The following AKT1S1 variants were observed in gnomAD, a reference collection of about 807,000 sequenced individuals.
The protein encoded by AKT1S1 is proline-rich AKT1 substrate 1.
A neutral mutation model predicts 21.2 loss-of-function variants in AKT1S1; 17 were observed. The ratio of observed to expected loss-of-function variants is 0.80; its 90% CI spans 0.55 to 1.20. The LOEUF (loss-of-function observed/expected upper bound fraction) is 1.20, where lower values mean the gene tolerates loss of function less well. Among genes scored for constraint, AKT1S1 ranks in the 50% most tolerant of loss-of-function variants. The pLI, the probability that AKT1S1 is intolerant of heterozygous loss-of-function variation, is 0.00. For missense variants in AKT1S1, 366 were observed against 368.3 expected (o/e 0.99, Z 0.05); for synonymous variants, 181 against 165.6 (o/e 1.09, Z -0.72).
At chr19:49,870,979 A>C (rs1274162093) in intron 4 of AKT1S1, among the ~76,000 whole-genome samples, 2 of 152,174 alleles carry the variant, frequency 1.3e-5, no homozygotes, top group African/African-American at 2.4e-5. Flanking sequence ...CTCAAAGCCC[A>C]CAGCTCCTTC....
At chr19:49,878,276 C>G, upstream of AKT1S1, 15 of 1,540,694 alleles carry the variant, frequency 9.7e-6, no homozygotes, top group Non-Finnish European at 1.3e-5. Flanking sequence ...GGACCCGCTC[C>G]GAGCGGGATG....
In AKT1S1 at chr19:49,873,227, CCGGGCCCGGAAGCGCTCAG is replaced by C. The variant is rs2074905966; in HGVS notation, c.50_68del (p.Ala17GlyfsTer9). Reference sequence around the variant, plus strand: ...TCAGCAGCACCAGCTCCGTGCCAGTCCGGGCCCGGAAGCGCTCAGCGGCCCCCACCACGGCCTCCCACAG... The same window carrying C: ...TCAGCAGCACCAGCTCCGTGCCAGTCCGGCCCCCACCACGGCCTCCCACAG... On this transcript the variant is annotated frameshift_variant, in exon 2 of 5. Coordinates refer to ENST00000344175, the MANE Select transcript of AKT1S1 (RefSeq NM_001098633.4). LOFTEE classifies it high-confidence loss of function. This position sits in a 1 kb window ranked among gnomAD's most constrained non-coding sequence, Gnocchi z 6.9. 6.5e-7 allele frequency: 1 copy of C among 1,536,750 alleles called. No individual in the cohort carries two copies.
chr19:49,875,769 G>T, intron 1 of AKT1S1: 1 of 859,632 alleles, frequency 1.2e-6, no homozygotes, highest in African/African-American at 1.8e-5. Context: ...GGAGACATGA[G>T]CAAAAAGGAC....
In AKT1S1 at chr19:49,870,080, G is replaced by C; in HGVS notation, c.628-20C>G. 1 of 1,502,622 alleles carries C rather than the reference G, an allele frequency of 6.7e-7. No individual in the cohort carries two copies. Among genetic ancestry groups the C allele is most frequent in the Non-Finnish European group, 8.9e-7 (1 of 1,122,388 alleles). 93.1% of individuals were successfully genotyped at this position (1,502,622 alleles called of 1,614,324 possible). On this transcript the variant is annotated intron_variant, in intron 4 of 4. Transcript: ENST00000344175. ...AGAGGGCTGCGGGGACGGCGACGGG[G>C]CGAGGTCAGCGCCGGCAGGGCAATC... is the stretch of plus-strand genomic sequence containing the variant.
rs1287580157 is a variant in AKT1S1 at position 49,869,990 on chromosome 19, G to T, written c.698C>A (p.Thr233Asn). The T allele has an allele frequency of 1.3e-6, 2 of 1,548,752 alleles. No individual in the cohort carries two copies. Among genetic ancestry groups the T allele is most frequent in the Non-Finnish European group, 1.7e-6 (2 of 1,144,700 alleles). The change falls in exon 5 of 5, where the codon ACC becomes AAC. Residue 233 changes from threonine (T) to asparagine (N), a missense_variant. Thr to Asn is a moderately conservative substitution (Grantham distance 65). Transcript: ENST00000344175. The part of the protein sequence containing the change: ...RALVLREAED[T>N]QVFGDLPRPR... ...CCGTGGCAGGTCCCCGAAGACCTGG[G>T]TGTCCTCGGCCTCTCGCAGCACCAG...
intron 1 of AKT1S1, among the ~76,000 whole-genome samples, chr19:49,875,529 CTG>C (rs1359410583): frequency 5.9e-5 from 9 of 152,230 alleles, no homozygotes; most frequent in African/African-American, 2.2e-4. Flanking sequence ...AGGGAGGAAA[CTG>C]AGGCTCTAAG....
At chr19:49,877,796 C>T, upstream of AKT1S1, 1 of 1,554,078 alleles carries the variant, frequency 6.4e-7, no homozygotes, top group Middle Eastern at 1.7e-4. Flanking sequence ...AACGCCCCGT[C>T]TAGTGATCAG....
chr19:49,875,935 G>A (rs1363222814), intron 1 of AKT1S1: 4 of 985,300 alleles, frequency 4.1e-6, no homozygotes, highest in Middle Eastern at 5.2e-4. Context: ...GGAAGAACCC[G>A]CCCCGATAGA....
At chr19:49,874,846 G>A (rs1326418442) in intron 1 of AKT1S1, 1 of 152,316 alleles carries the variant, frequency 6.6e-6, no homozygotes, top group African/African-American at 2.4e-5. Flanking sequence ...CCAGGGTGAA[G>A]GGAGCAGGGA....
intron 1 of AKT1S1, chr19:49,876,932 A>T: frequency 5.1e-6 from 2 of 394,448 alleles, no homozygotes; most frequent in Non-Finnish European, 9.1e-6. Context: ...AACTTCTTCG[A>T]CAAAAGTAGA....
chr19:49,869,775 G>C lies in AKT1S1; in HGVS notation c.*142C>G. 2.0e-6 allele frequency: 2 copies of C among 993,536 alleles called. No homozygotes were observed. The highest frequency in any genetic ancestry group is 4.9e-5 in the South Asian group (2 of 40,862). 61.5% of individuals were successfully genotyped at this position (993,536 alleles called of 1,614,324 possible). A position where few individuals can be genotyped will look rare whatever the true frequency, so the allele number is the denominator to read the frequency against. On this transcript the variant is annotated 3_prime_UTR_variant, in exon 5 of 5. Transcript: ENST00000344175. ...GTGGGCTGGAAGGACGGCGGGGATT[G>C]GCAGAGGCGGGACAATCTTGGGAAT...
chr19:49,873,387 G>A lies in AKT1S1; in HGVS notation c.-7-85C>T. ...ACTCAGAGTGCCCGCCCGTCCCCTG[G>A]ATGGCACTCACCACCCTCCACCCAC... On this transcript the variant is annotated intron_variant, in intron 1 of 4. Transcript: ENST00000344175. The surrounding 1 kb of genome is among the most constrained non-coding windows in gnomAD (Gnocchi z 6.9). 2.9e-6 allele frequency: 4 copies of A among 1,370,796 alleles called. No individual in the cohort carries two copies. The highest frequency in any genetic ancestry group is 1.9e-6 in the Non-Finnish European group (2 of 1,068,852). 84.9% of individuals were successfully genotyped at this position (1,370,796 alleles called of 1,614,324 possible).
rs1181164867 is a variant in AKT1S1, at chr19:49,871,725, G to C, written c.458-9C>G. The stretch of plus-strand genomic sequence containing the variant: ...CTCGCTCAGGCTGCCATCTGAAAGA[G>C]AGGGTGGACTTCAGCTTCTGTCCCT... On this transcript the variant is annotated splice_polypyrimidine_tract_variant and intron_variant, in intron 3 of 4. Coordinates refer to ENST00000344175, the MANE Select transcript of AKT1S1 (RefSeq NM_001098633.4). 6.2e-7 allele frequency: 1 copy of C among 1,612,378 alleles called. No individual in the cohort carries two copies.
chr19:49,876,519 A>G, intron 1 of AKT1S1: 1 of 1,444,260 alleles, frequency 6.9e-7, no homozygotes, highest in Non-Finnish European at 9.2e-7. Context: ...CCCTCCCGTG[A>G]GCCGCTCGCC....
At position 49,869,861 on chromosome 19, in the gene AKT1S1, C is replaced by CG; in HGVS notation, c.*55dup. 7.2e-7 allele frequency: 1 copy of CG among 1,395,366 alleles called. No individual in the cohort carries two copies. Among genetic ancestry groups the CG allele is most frequent in the Non-Finnish European group, 9.5e-7 (1 of 1,057,678 alleles). The allele number at this position is 1,395,366 out of a possible 1,614,324, so 86.4% of individuals were successfully genotyped here. A position where few individuals can be genotyped will look rare whatever the true frequency, so the allele number is the denominator to read the frequency against. On this transcript the variant is annotated 3_prime_UTR_variant, in exon 5 of 5. Coordinates refer to ENST00000344175, the MANE Select transcript of AKT1S1 (RefSeq NM_001098633.4). ...AGATTAGCAGGCCCCGGGAGTGGGG[C>CG]GGGGGCGTAGTGTGGGACGGGGCGG...
chr19:49,871,077 G>A (rs574200057), intron 4 of AKT1S1, among the ~76,000 whole-genome samples: 1 of 152,300 alleles, frequency 6.6e-6, no homozygotes, highest in African/African-American at 2.4e-5. Flanking sequence ...TCTGCTTCAG[G>A]GAGGCTCAGT....
chr19:49,872,702 G>A (rs1391288081), intron 2 of AKT1S1, among the ~76,000 whole-genome samples: 1 of 152,192 alleles, frequency 6.6e-6, no homozygotes, highest in Non-Finnish European at 1.5e-5. Context: ...ACCACTCCCA[G>A]CACAGAGCTG....
chr19:49,876,168 G>A, intron 1 of AKT1S1: 1 of 1,004,270 alleles, frequency 1.0e-6, no homozygotes, highest in Non-Finnish European at 1.2e-6. Flanking sequence ...AGCGCCTGGG[G>A]CCACGCTCAG....
In AKT1S1 at chr19:49,873,098, T is replaced by A. The variant is rs372487354; in HGVS notation, c.198A>T (p.Ala66=). Residue 66 remains alanine (A), a synonymous_variant, in exon 2 of 5, where the codon GCA becomes GCT. Transcript: ENST00000344175. The surrounding 1 kb of genome is among the most constrained non-coding windows in gnomAD (Gnocchi z 6.9). The part of the protein sequence containing the change: ...EAARRCLHDI[A]LAHRAATAAR... ...CAGCAGTGGCAGCCCTGTGGGCCAG[T>A]GCGATGTCGTGGAGGCAACGGCGCG... is the stretch of plus-strand genomic sequence containing the variant. 3 of 1,547,944 alleles carry A rather than the reference T, an allele frequency of 1.9e-6. No homozygotes were observed. Among genetic ancestry groups the A allele is most frequent in the Non-Finnish European group, 1.7e-6 (2 of 1,149,492 alleles).
Sources: gnomAD v4.1 joint callset for allele counts (sites outside exome capture counted in the v4.1 genomes callset) on GRCh38, gnomAD v4.1.1 for gene constraint, Gnocchi (gnomAD v3.1) non-coding constraint, MANE v1.5 for transcripts, NCBI Gene and HGNC (gene_info 2026-07-23, HGNC 2026-07-21) for gene names.